Variants in LSM14A observed in about 807,000 individuals in gnomAD.
The protein encoded by LSM14A is LSM14A mRNA processing body assembly factor.
Under a neutral mutation model 52.4 loss-of-function variants are expected in LSM14A, and 14 were observed. The observed-to-expected ratio is 0.27, with a 90% CI of 0.18 to 0.42. LSM14A has a LOEUF of 0.42. LSM14A is among the 10% of genes least tolerant of loss of function. The probability of loss-of-function intolerance (pLI) is 1.00; values close to 1 mark genes in which losing one functional copy is unlikely to be tolerated. For synonymous variants in LSM14A, 185 were observed against 200.3 expected (o/e 0.92, Z 0.64); for missense variants, 417 against 581.8 (o/e 0.72, Z 2.91).
rs1442957241 is a variant in LSM14A, at chr19:34,219,581, T to C, written c.964+8T>C. 4 of 1,599,244 alleles carry C rather than the reference T, an allele frequency of 2.5e-6. No homozygotes were observed. The African/African-American group carries it at 5.4e-5, about 22-fold the overall frequency. The stretch of plus-strand genomic sequence containing the variant: ...ATAAACTTAAATTAAAAGGTAAGCT[T>C]TGATTTTTCTTTTCAGAAAATAATC... On this transcript the variant is annotated splice_region_variant and intron_variant, in intron 7 of 9. Coordinates refer to ENST00000544216, the MANE Select transcript of LSM14A (RefSeq NM_015578.4).
At chr19:34,180,201 G>A (rs2069379713) in intron 1 of LSM14A, among the ~76,000 whole-genome samples, 1 of 152,210 alleles carries the variant, frequency 6.6e-6, no homozygotes, top group Non-Finnish European at 1.5e-5. Flanking sequence ...TTACAGGTGT[G>A]AGCCACAGTG....
intron 1 of LSM14A, among the ~76,000 whole-genome samples, chr19:34,187,090 A>AT (rs200834245): frequency 2.0e-5 from 3 of 151,102 alleles, no homozygotes; most frequent in Non-Finnish European, 4.4e-5. Context: ...AAAAAAAAAA[A>AT]TACAAACATT....
chr19:34,190,865 G>T (rs1409329770), intron 1 of LSM14A, among the ~76,000 whole-genome samples: 2 of 151,960 alleles, frequency 1.3e-5, no homozygotes, highest in African/African-American at 4.8e-5. Context: ...TCTGTGGCTT[G>T]TAGTGGTCTG....
chr19:34,173,511 C>G (rs2068864721), intron 1 of LSM14A, among the ~76,000 whole-genome samples: 2 of 152,166 alleles, frequency 1.3e-5, no homozygotes, highest in Admixed American at 6.5e-5. Context: ...TGGGCGTTGA[C>G]TGATCCCTCT....
intron 1 of LSM14A, among the ~76,000 whole-genome samples, chr19:34,173,478 C>G (rs2068862320): frequency 6.6e-6 from 1 of 152,184 alleles, no homozygotes; most frequent in Non-Finnish European, 1.5e-5. Flanking sequence ...ACCAGGCAAG[C>G]TTGACCTTTG....
chr19:34,187,425 T>C (rs2070009736), intron 1 of LSM14A, among the ~76,000 whole-genome samples: 1 of 152,000 alleles, frequency 6.6e-6, no homozygotes, highest in Non-Finnish European at 1.5e-5. Context: ...ATTACAGGCG[T>C]GTGCCACCAC....
chr19:34,217,753 C>T (rs1240877942), intron 6 of LSM14A, among the ~76,000 whole-genome samples: 1 of 149,546 alleles, frequency 6.7e-6, no homozygotes, highest in African/African-American at 2.5e-5. Flanking sequence ...CCTCACCCTC[C>T]TGAGTAGCTG....
At chr19:34,217,399 A>G (rs951018976) in intron 6 of LSM14A, among the ~76,000 whole-genome samples, 1 of 151,636 alleles carries the variant, frequency 6.6e-6, no homozygotes, top group Non-Finnish European at 1.5e-5. Flanking sequence ...TTCTAAAATC[A>G]TTCATTTTAT....
intron 3 of LSM14A, among the ~76,000 whole-genome samples, chr19:34,202,131 T>G (rs2071338880): frequency 1.3e-5 from 2 of 151,658 alleles, no homozygotes; most frequent in Middle Eastern, 3.4e-3. Context: ...AGTAAGTTTT[T>G]TTTTTTTTTT....
At chr19:34,217,229 G>T (rs551749977) in intron 6 of LSM14A, among the ~76,000 whole-genome samples, 1 of 141,012 alleles carries the variant, frequency 7.1e-6, no homozygotes, top group South Asian at 2.2e-4. Context: ...CTGCACTCCA[G>T]CCTGGGCAAC....
chr19:34,218,424 A>G (rs954895848), intron 6 of LSM14A, among the ~76,000 whole-genome samples: 7 of 152,218 alleles, frequency 4.6e-5, no homozygotes, highest in African/African-American at 1.7e-4. Context: ...ATGTCTGGAT[A>G]TGCTGCTGTG....
intron 3 of LSM14A, among the ~76,000 whole-genome samples, chr19:34,208,034 G>C (rs540551974): frequency 1.3e-5 from 2 of 152,188 alleles, no homozygotes; most frequent in Admixed American, 1.3e-4. Flanking sequence ...AACTTCTGCT[G>C]TGGGCTAGAC....
chr19:34,183,606 G>GACAACATCAACACAGTTTGGA (rs1227337742), intron 1 of LSM14A, among the ~76,000 whole-genome samples: 1 of 152,026 alleles, frequency 6.6e-6, no homozygotes, highest in Non-Finnish European at 1.5e-5. Flanking sequence ...TTGGAAAGGA[G>GACAACATCAACACAGTTTGGA]ACAACATCAA....
At chr19:34,214,192 G>T (rs2072392124) in intron 4 of LSM14A, among the ~76,000 whole-genome samples, 1 of 151,882 alleles carries the variant, frequency 6.6e-6, no homozygotes. Context: ...TTTTGGTTTT[G>T]TTTGTTTGTT....
In LSM14A at chr19:34,221,576, A is replaced by G; in HGVS notation, c.1206A>G (p.Pro402=). ...AAACATTTGGAATCCCACTTCGTCC[A>G]AACCGTGGCCGTGGGGGATACAGAG... ...NAETFGIPLR[P]NRGRGGYRGR... is the part of the protein sequence containing the mutation. The change falls in exon 9 of 10, where the codon CCA becomes CCG. Residue 402 remains proline, a synonymous_variant. Transcript: ENST00000544216. 6.2e-7 allele frequency: 1 copy of G among 1,614,218 alleles called. No homozygotes were observed. The highest frequency in any genetic ancestry group is 8.5e-7 in the Non-Finnish European group (1 of 1,180,040).
intron 3 of LSM14A, among the ~76,000 whole-genome samples, chr19:34,202,207 T>A (rs2145717472): frequency 6.7e-6 from 1 of 149,642 alleles, no homozygotes; most frequent in East Asian, 2.0e-4. Flanking sequence ...TGAGACTGAG[T>A]CCTGCTCTGC....
At chr19:34,204,537 C>A (rs368221423) in intron 3 of LSM14A, among the ~76,000 whole-genome samples, 1 of 145,590 alleles carries the variant, frequency 6.9e-6, no homozygotes, top group Non-Finnish European at 1.5e-5. Context: ...CATAGGGAGA[C>A]CTTGTCTCTG....
chr19:34,175,075 T>C (rs2068986952), intron 1 of LSM14A, among the ~76,000 whole-genome samples: 1 of 152,220 alleles, frequency 6.6e-6, no homozygotes, highest in African/African-American at 2.4e-5. Context: ...GTTAAATTCA[T>C]ATGACATAAT....
At chr19:34,187,757 T>C (rs1454213626) in intron 1 of LSM14A, among the ~76,000 whole-genome samples, 1 of 152,226 alleles carries the variant, frequency 6.6e-6, no homozygotes, top group Admixed American at 6.5e-5. Flanking sequence ...CCTTGTACTA[T>C]GATTTTATAT....
Sources: gnomAD v4.1 joint callset for allele counts (sites outside exome capture counted in the v4.1 genomes callset) on GRCh38, gnomAD v4.1.1 for gene constraint, MANE v1.5 for transcripts, NCBI Gene and HGNC (gene_info 2026-07-23, HGNC 2026-07-21) for gene names.